ESRRG: variants seen among roughly 807,000 people sequenced by gnomAD.
ESRRG encodes the protein estrogen related receptor gamma, also known as estrogen-related receptor gamma.
Under a neutral mutation model 44.0 loss-of-function variants are expected in ESRRG, and 13 were observed. The observed-to-expected ratio is 0.30, with a 90% CI of 0.19 to 0.47. ESRRG has a LOEUF of 0.47. Among genes scored for constraint, ESRRG ranks in the 20% least tolerant of loss-of-function variants. The pLI, the probability that ESRRG is intolerant of heterozygous loss-of-function variation, is 1.00. For missense variants in ESRRG, 395 were observed against 580.6 expected, an observed-to-expected ratio of 0.68 and a Z score of 3.29; for synonymous variants, 215 against 214.6, an observed-to-expected ratio of 1.00 and a Z score of -0.02.
intron 2 of ESRRG, among the ~76,000 whole-genome samples, chr1:216,885,106 G>T (rs2096496549): frequency 6.6e-6 from 1 of 151,132 alleles, no homozygotes; most frequent in Non-Finnish European, 1.5e-5. Flanking sequence ...GTGGCTAGAT[G>T]ACTTATGGTT....
At chr1:216,973,732 G>A (rs561292118) in intron 1 of ESRRG, among the ~76,000 whole-genome samples, 71 of 151,496 alleles carry the variant, frequency 4.7e-4, no homozygotes, top group Admixed American at 1.4e-3. Flanking sequence ...AGGCTGAGGC[G>A]CAAGAATTGC....
intron 2 of ESRRG, among the ~76,000 whole-genome samples, chr1:216,839,505 A>G (rs1259484871): frequency 2.0e-5 from 3 of 152,218 alleles, no homozygotes. Context: ...AAGGTTTTCA[A>G]TGTACTTTAC....
chr1:216,906,420 C>T (rs1339015853), intron 2 of ESRRG, among the ~76,000 whole-genome samples: 3 of 152,124 alleles, frequency 2.0e-5, no homozygotes, highest in East Asian at 1.9e-4. Flanking sequence ...CCCACACAAT[C>T]CTCCAGCATC....
intron 1 of ESRRG, among the ~76,000 whole-genome samples, chr1:216,966,431 C>T (rs2070395861): frequency 6.6e-6 from 1 of 152,138 alleles, no homozygotes; most frequent in African/African-American, 2.4e-5. Context: ...TCACTATTCC[C>T]AAGCCCTTGG....
chr1:216,798,686 G>A (rs888956964), intron 2 of ESRRG, among the ~76,000 whole-genome samples: 5 of 152,138 alleles, frequency 3.3e-5, no homozygotes, highest in African/African-American at 1.2e-4. Context: ...TTGTAGCTTG[G>A]CTCAGAGTAG....
rs140102024 is a variant in ESRRG at position 216,929,170 on chromosome 1, T to A, written c.-14+10412A>T. On this transcript the variant is annotated intron_variant, in intron 2 of 7. Coordinates refer to the ESRRG transcript ENST00000359162. ...GGTCTCCCAAGTTTGAATGTGAATG[T>A]TCAAGTCACACCTGATTGTTTCAGA... is the stretch of plus-strand genomic sequence containing the variant. Among the ~76,000 whole-genome samples, 896 of 152,308 alleles carry A rather than the reference T, an allele frequency of 5.9e-3. 6 individuals carry two copies. Among genetic ancestry groups the A allele is most frequent in the Non-Finnish European group, 9.3e-3 (636 of 68,022 alleles).
chr1:216,828,611 T>G (rs2095436423), intron 2 of ESRRG, among the ~76,000 whole-genome samples: 1 of 152,226 alleles, frequency 6.6e-6, no homozygotes, highest in South Asian at 2.1e-4. Flanking sequence ...ATTTGTTGTC[T>G]CTACAAGTAC....
chr1:216,604,679 A>G (rs2059690175), intron 3 of ESRRG, among the ~76,000 whole-genome samples: 1 of 152,206 alleles, frequency 6.6e-6, no homozygotes, highest in Non-Finnish European at 1.5e-5. Flanking sequence ...ATCCTATGAC[A>G]TTAGAATGGG....
chr1:216,693,791 G>T (rs530787096), intron 1 of ESRRG, among the ~76,000 whole-genome samples: 2 of 152,276 alleles, frequency 1.3e-5, no homozygotes, highest in South Asian at 4.1e-4. Flanking sequence ...AGAAATGACT[G>T]TACAAACTTA....
chr1:216,556,818 G>C (rs544989884), intron 5 of ESRRG, among the ~76,000 whole-genome samples: 2 of 152,112 alleles, frequency 1.3e-5, no homozygotes, highest in African/African-American at 2.4e-5. Flanking sequence ...AGCAGAATTT[G>C]TGCTGTATTC....
chr1:216,742,918 C>A (rs2090936895), intron 2 of ESRRG, among the ~76,000 whole-genome samples: 1 of 152,134 alleles, frequency 6.6e-6, no homozygotes, highest in Non-Finnish European at 1.5e-5. Context: ...GAGCATTCAA[C>A]CTTCCCTGAT....
At chr1:216,994,757 A>ATTT (rs71303008) in intron 1 of ESRRG, among the ~76,000 whole-genome samples, 2 of 148,348 alleles carry the variant, frequency 1.3e-5, no homozygotes, top group East Asian at 4.0e-4. Context: ...AATTTTTTGT[A>ATTT]TTTTTTTTTT....
intron 1 of ESRRG, among the ~76,000 whole-genome samples, chr1:216,712,552 G>A (rs979080136): frequency 9.2e-5 from 14 of 152,332 alleles, no homozygotes; most frequent in Middle Eastern, 3.4e-3. Flanking sequence ...GCAGCTGTGC[G>A]CTTTATCAAG....
At chr1:216,703,065 T>A (rs769080219) in intron 1 of ESRRG, among the ~76,000 whole-genome samples, 1 of 152,228 alleles carries the variant, frequency 6.6e-6, no homozygotes, top group Non-Finnish European at 1.5e-5. Flanking sequence ...CTTGTATAGA[T>A]GCAGTTAAAA....
At chr1:216,924,871 C>T (rs566565250) in intron 2 of ESRRG, among the ~76,000 whole-genome samples, 1 of 152,148 alleles carries the variant, frequency 6.6e-6, no homozygotes, top group Admixed American at 6.5e-5. Flanking sequence ...GTTCCTCAGC[C>T]CCTAGCCTGA....
chr1:216,848,951 C>T (rs1368484057), intron 2 of ESRRG, among the ~76,000 whole-genome samples: 1 of 151,938 alleles, frequency 6.6e-6, no homozygotes, highest in Non-Finnish European at 1.5e-5. Context: ...ATTTTTTCCT[C>T]CTGGCGTATT....
At chr1:216,694,841 G>A (rs1380241299) in intron 1 of ESRRG, among the ~76,000 whole-genome samples, 1 of 152,264 alleles carries the variant, frequency 6.6e-6, no homozygotes, top group East Asian at 1.9e-4. Context: ...TTACAGGCAT[G>A]AGCCACTGCA....
At chr1:216,867,689 G>A (rs769002394) in intron 2 of ESRRG, among the ~76,000 whole-genome samples, 6 of 151,964 alleles carry the variant, frequency 3.9e-5, no homozygotes, top group East Asian at 1.9e-4. Flanking sequence ...ATCTCTCCCC[G>A]ACCTCTTCTC....
intron 1 of ESRRG, among the ~76,000 whole-genome samples, chr1:216,965,647 A>T (rs1202911689): frequency 6.6e-6 from 1 of 152,114 alleles, no homozygotes; most frequent in African/African-American, 2.4e-5. Flanking sequence ...AGTCTATTAG[A>T]TACATTCCTA....
Sources: allele counts gnomAD v4.1 joint callset (sites outside exome capture counted in the v4.1 genomes callset), GRCh38; gene constraint gnomAD v4.1.1; transcripts MANE v1.5; gene names NCBI Gene and HGNC (gene_info 2026-07-23, HGNC 2026-07-21).